Variants in MEAK7 observed in about 807,000 individuals in gnomAD.
The protein encoded by MEAK7 is MTOR-associated protein MEAK7.
MEAK7 carries 68 observed loss-of-function variants against 40.5 expected under a neutral mutation model. The ratio of observed to expected loss-of-function variants is 1.68; its 90% confidence interval spans 1.38 to 2.06. The LOEUF (loss-of-function observed/expected upper bound fraction) is 2.06. Among genes scored for constraint, MEAK7 ranks in the 30% most tolerant of loss-of-function variants. The pLI is 0.00. For missense variants in MEAK7, 918 were observed against 580.5 expected, an observed-to-expected ratio of 1.58 and a Z score of -5.98; for synonymous variants, 338 against 231.9, an observed-to-expected ratio of 1.46 and a Z score of -4.16.
intron 3 of MEAK7, among the ~76,000 whole-genome samples, chr16:84,492,613 ACT>A (rs1027987334): frequency 9.3e-6 from 1 of 108,018 alleles, no homozygotes; most frequent in African/African-American, 2.9e-5. Context: ...ATGAAGTCTG[ACT>A]CTGTCACCCA....
At position 84,493,118 on chromosome 16, in the gene MEAK7, T is replaced by C. The variant is rs115758807; in HGVS notation, c.384+2565A>G. On this transcript the variant is annotated intron_variant, in intron 3 of 7. Coordinates refer to ENST00000343629, the MANE Select transcript of MEAK7 (RefSeq NM_020947.4). ...TGTGTTATTAGTATGTGTTCCAAAA[T>C]TCTATGAGATTCCTGTGATTCTGAT... is the stretch of plus-strand genomic sequence containing the variant. 2.9e-3 allele frequency among the ~76,000 whole-genome samples: 446 copies of C among 152,320 alleles called. 5 individuals are homozygous for C. The highest frequency in any genetic ancestry group is 0.01 in the African/African-American group (419 of 41,574).
chr16:84,497,454 G>T (rs943816145), intron 2 of MEAK7: 1 of 1,289,558 alleles, frequency 7.8e-7, no homozygotes, highest in Non-Finnish European at 1.0e-6. Flanking sequence ...GACACGTCAT[G>T]GTTCCTGGAC....
chr16:84,490,087 C>T (rs1474914231), intron 3 of MEAK7, among the ~76,000 whole-genome samples: 1 of 152,180 alleles, frequency 6.6e-6, no homozygotes, highest in Non-Finnish European at 1.5e-5. Flanking sequence ...TTAGAGCACT[C>T]AGTAATTGTA....
At position 84,497,840 on chromosome 16, in the gene MEAK7, A is replaced by G. The variant is rs114487991; in HGVS notation, c.153+94T>C. The G allele has an allele frequency of 3.1e-3, 4,855 of 1,559,420 alleles. 133 individuals are homozygous for G. In the African/African-American group the frequency reaches 0.058, roughly 19 times the overall value. ...ACTTTTCAGTGTTGCCATCCATCCCATTACAAAAACACGAAAGCAGATTCT... is the reference window on the plus strand; with the variant it reads ...ACTTTTCAGTGTTGCCATCCATCCCGTTACAAAAACACGAAAGCAGATTCT... On this transcript the variant is annotated intron_variant, in intron 2 of 7. Transcript: ENST00000343629.
Position 84,486,752 on chromosome 16 carries a change from G to A in MEAK7, c.837C>T (p.Phe279=). The change falls in exon 5 of 8, where the codon TTC becomes TTT. Residue 279 remains phenylalanine, a synonymous_variant. Transcript: ENST00000343629. Reference sequence around the variant, plus strand: ...GAGTGATGTGGCCACAGAGCTGGGAGAAGCTGTGTCCATGGAGCTCAGACG... The same window carrying A: ...GAGTGATGTGGCCACAGAGCTGGGAAAAGCTGTGTCCATGGAGCTCAGACG... ...LFSSELHGHS[F]SQLCGHITHR... 3 of 1,614,056 alleles carry A rather than the reference G, an allele frequency of 1.9e-6. No homozygotes were observed. The highest frequency in any genetic ancestry group is 1.7e-6 in the Non-Finnish European group (2 of 1,179,898).
chr16:84,488,441 C>T (rs902910733), intron 4 of MEAK7: 4 of 151,440 alleles, frequency 2.6e-5, no homozygotes, highest in African/African-American at 9.7e-5. Flanking sequence ...TTTTTAATCC[C>T]AATTAAATTT....
At chr16:84,490,491 C>A (rs1597947403) in intron 3 of MEAK7, among the ~76,000 whole-genome samples, 1 of 115,956 alleles carries the variant, frequency 8.6e-6, no homozygotes. Flanking sequence ...CCTCAACAGC[C>A]TGAGTTTGGT....
intron 3 of MEAK7, among the ~76,000 whole-genome samples, chr16:84,490,863 G>C (rs9936257): frequency 0.03 from 4,515 of 152,084 alleles, 263 homozygotes; most frequent in African/African-American, 0.1. Flanking sequence ...TAATGTCTAA[G>C]AGTCTGGGAT....
intron 5 of MEAK7, among the ~76,000 whole-genome samples, chr16:84,485,826 C>T (rs1239363150): frequency 2.6e-5 from 4 of 152,132 alleles, no homozygotes; most frequent in Admixed American, 1.3e-4. Context: ...GGATTACAGG[C>T]ATGCGCCACC....
chr16:84,502,282 C>T lies in MEAK7; in HGVS notation c.-26+2319G>A, dbSNP rs1416018261. Among the ~76,000 whole-genome samples the T allele has an allele frequency of 5.3e-5, 8 of 152,204 alleles. No individual in the cohort carries two copies. The East Asian group carries it at 1.2e-3, about 22-fold the overall frequency. ...TGACTGGAAAAGTGTGTGGTTGCCACAACTGGGGGAGGGGAGTGCCGTTGG... is the reference window on the plus strand; with the variant it reads ...TGACTGGAAAAGTGTGTGGTTGCCATAACTGGGGGAGGGGAGTGCCGTTGG... On this transcript the variant is annotated intron_variant, in intron 1 of 7. Transcript: ENST00000343629.
In MEAK7 at chr16:84,476,708, G is replaced by T. The variant is rs981979295; in HGVS notation, c.*3205C>A. The T allele has an allele frequency of 1.3e-5, 2 of 152,192 alleles. No homozygotes were observed. The highest frequency in any genetic ancestry group is 6.5e-5 in the Admixed American group (1 of 15,274). 9.4% of individuals were successfully genotyped at this position (152,192 alleles called of 1,614,324 possible). A position where few individuals can be genotyped will look rare whatever the true frequency, so the allele number is the denominator to read the frequency against. The stretch of plus-strand genomic sequence containing the variant: ...TGGTTACGGACCTCCCTTTAAAAAA[G>T]AAAGCGAGGGACACATCAGTGTGTA... On this transcript the variant is annotated 3_prime_UTR_variant, in exon 8 of 8. Transcript: ENST00000343629.
At chr16:84,483,184 A>T (rs1263942841) in intron 5 of MEAK7, among the ~76,000 whole-genome samples, 1 of 152,226 alleles carries the variant, frequency 6.6e-6, no homozygotes, top group Non-Finnish European at 1.5e-5. Flanking sequence ...GCAGCTGCAG[A>T]GCTGTCCCCA....
At chr16:84,489,571 T>A in intron 3 of MEAK7, 149 bp from the exon 4 acceptor site, 1 of 962,198 alleles carries the variant, frequency 1.0e-6, no homozygotes, top group Non-Finnish European at 1.5e-6. Flanking sequence ...TAGTTACTCG[T>A]TTTTCTAATG....
In MEAK7 at chr16:84,485,534, G is replaced by A. The variant is rs532215338; in HGVS notation, c.958+1097C>T. On this transcript the variant is annotated intron_variant, in intron 5 of 7. Coordinates refer to ENST00000343629, the MANE Select transcript of MEAK7 (RefSeq NM_020947.4). ...TGCGGGGTAAGATACAGGATGTACC[G>A]GGGAATGCCAAAGGCAAACCCTGGG... is the stretch of plus-strand genomic sequence containing the variant. Among the ~76,000 whole-genome samples, 6 of 152,278 alleles carry A rather than the reference G, an allele frequency of 3.9e-5. No homozygotes were observed. In the South Asian group the frequency reaches 6.2e-4, roughly 16 times the overall value.
At position 84,499,436 on chromosome 16, in the gene MEAK7, G is replaced by A. The variant is rs1018639682; in HGVS notation, c.-25-1325C>T. ...AAGGGGGAAAGGCCATGCTACTAGG[G>A]TGGGGCATGAGTCATGGTCCGCACC... On this transcript the variant is annotated intron_variant, in intron 1 of 7. Coordinates refer to ENST00000343629, the MANE Select transcript of MEAK7 (RefSeq NM_020947.4). 8.5e-5 allele frequency among the ~76,000 whole-genome samples: 13 copies of A among 152,256 alleles called. 4 individuals are homozygous for A. Among genetic ancestry groups the A allele is most frequent in the Admixed American group, 6.5e-5 (1 of 15,286 alleles).
intron 1 of MEAK7, chr16:84,504,224 G>C: frequency 2.2e-6 from 2 of 919,530 alleles, no homozygotes; most frequent in South Asian, 5.0e-5. Context: ...GTCTACCCCA[G>C]ACTCGCCTCC....
At chr16:84,504,178 T>A (rs559443502) in intron 1 of MEAK7, 1 of 985,124 alleles carries the variant, frequency 1.0e-6, no homozygotes, top group Non-Finnish European at 1.2e-6. Flanking sequence ...GTGGTCAGAA[T>A]ACAAGAAGGA....
rs890009701 is a variant in MEAK7, at chr16:84,476,482, T to C, written c.*3431A>G. 6.6e-6 allele frequency: 1 copy of C among 152,114 alleles called. No individual in the cohort carries two copies. Among genetic ancestry groups the C allele is most frequent in the South Asian group, 2.1e-4 (1 of 4,826 alleles). The allele number at this position is 152,114 out of a possible 1,614,324, so 9.4% of individuals were successfully genotyped here. A position where few individuals can be genotyped will look rare whatever the true frequency, so the allele number is the denominator to read the frequency against. On this transcript the variant is annotated 3_prime_UTR_variant, in exon 8 of 8. Coordinates refer to ENST00000343629, the MANE Select transcript of MEAK7 (RefSeq NM_020947.4). ...CATCTATATCTAAATAAAAGGCATATACCTCTCAATCCAACAATTCCAATT... is the reference window on the plus strand; with the variant it reads ...CATCTATATCTAAATAAAAGGCATACACCTCTCAATCCAACAATTCCAATT...
chr16:84,480,849 C>A (rs1455162407), intron 6 of MEAK7, 141 bp from the exon 7 acceptor site: 2 of 925,180 alleles, frequency 2.2e-6, no homozygotes, highest in African/African-American at 1.7e-5. Context: ...ATCTTGTTTT[C>A]CTTAACTGTG....
Sources: gnomAD v4.1 joint callset for allele counts (sites outside exome capture counted in the v4.1 genomes callset) on GRCh38, gnomAD v4.1.1 for gene constraint, MANE v1.5 for transcripts, NCBI Gene and HGNC (gene_info 2026-07-23, HGNC 2026-07-21) for gene names.